The following ACTN4 variants were observed in gnomAD, a reference collection of about 807,000 sequenced individuals.
ACTN4 encodes the protein actinin alpha 4, also known as alpha-actinin-4.
Under a neutral mutation model 114.2 loss-of-function variants are expected in ACTN4, and 18 were observed. The observed-to-expected ratio is 0.16, with a 90% CI of 0.11 to 0.23. ACTN4 has a LOEUF of 0.23. Among genes scored for constraint, ACTN4 ranks in the 10% least tolerant of loss-of-function variants. ACTN4 has a pLI of 1.00. For missense variants in ACTN4, 722 were observed against 1,262.9 expected (o/e 0.57, Z 6.49); for synonymous variants, 515 against 506.3 (o/e 1.02, Z -0.23).
intron 7 of ACTN4, 77 bp from the exon 8 acceptor site, chr19:38,710,180 A>G: frequency 6.6e-7 from 1 of 1,509,732 alleles, no homozygotes; most frequent in South Asian, 1.1e-5. Flanking sequence ...TGGCCTTGGG[A>G]GCCCGTGGAT....
chr19:38,653,383 A>G (rs2050145080), intron 1 of ACTN4, among the ~76,000 whole-genome samples: 1 of 152,068 alleles, frequency 6.6e-6, no homozygotes, highest in Non-Finnish European at 1.5e-5. Context: ...GAATTGTACA[A>G]GCCTTTGACC....
intron 1 of ACTN4, among the ~76,000 whole-genome samples, chr19:38,681,449 C>T (rs1179332545): frequency 2.0e-5 from 3 of 152,176 alleles, no homozygotes; most frequent in Non-Finnish European, 4.4e-5. Flanking sequence ...GCTCTTCAGT[C>T]TCTCCACCTT....
chr19:38,695,677 G>T (rs1036325576), intron 1 of ACTN4, among the ~76,000 whole-genome samples: 1 of 152,142 alleles, frequency 6.6e-6, no homozygotes, highest in African/African-American at 2.4e-5. Flanking sequence ...CTCGGAGTGG[G>T]CTCTGTCCCT....
chr19:38,721,668 C>T lies in ACTN4; in HGVS notation c.1422C>T (p.Ala474=), dbSNP rs149647148. ...AAHQDRVEQI[A]AIAQELNELD... is the part of the protein sequence containing the mutation. ...ACCAGGACCGCGTGGAGCAGATCGC[C>T]GCCATTGCCCAGGAGCTCAAGTACG... Residue 474 remains alanine, a synonymous_variant, in exon 12 of 21, where the codon GCC becomes GCT. Coordinates refer to ENST00000252699, the MANE Select transcript of ACTN4 (RefSeq NM_004924.6). 1.2e-5 allele frequency: 19 copies of T among 1,613,554 alleles called. No homozygotes were observed. The highest frequency in any genetic ancestry group is 5.5e-5 in the South Asian group (5 of 91,088).
intron 1 of ACTN4, among the ~76,000 whole-genome samples, chr19:38,651,726 TTTTTGTTTTG>T (rs535471343): frequency 6.1e-4 from 93 of 152,128 alleles, no homozygotes; most frequent in African/African-American, 2.0e-3. Context: ...GTATTTGTTT[TTTTTGTTTTG>T]TTTTGTTTTG....
intron 1 of ACTN4, among the ~76,000 whole-genome samples, chr19:38,671,340 A>G (rs1967121693): frequency 6.6e-6 from 1 of 152,226 alleles, no homozygotes; most frequent in African/African-American, 2.4e-5. Flanking sequence ...GGGTAGCCCA[A>G]AGCAACACTT....
Position 38,727,607 on chromosome 19 carries a change from A to G in ACTN4, c.2338-339A>G, listed in dbSNP as rs1322199507. ...GATACAGTCCCCTCTGTCCCACTCC[A>G]AATCCCAAAGGCAAGGAGAACCCCC... On this transcript the variant is annotated intron_variant, in intron 18 of 20. Coordinates refer to ENST00000252699, the MANE Select transcript of ACTN4 (RefSeq NM_004924.6). This position sits in a 1 kb window ranked among gnomAD's most constrained non-coding sequence, Gnocchi z 5.4. Among the ~76,000 whole-genome samples, 1 of 150,414 alleles carries G rather than the reference A, an allele frequency of 6.6e-6. No individual in the cohort carries two copies. Among genetic ancestry groups the G allele is most frequent in the African/African-American group, 2.5e-5 (1 of 40,816 alleles).
intron 1 of ACTN4, among the ~76,000 whole-genome samples, chr19:38,688,300 G>A (rs1408030937): frequency 6.8e-6 from 1 of 146,700 alleles, no homozygotes; most frequent in African/African-American, 2.5e-5. Flanking sequence ...TGTAATCCTA[G>A]CACTTTGGGA....
At chr19:38,725,648 G>A (rs1303418185) in intron 16 of ACTN4, 76 bp from the exon 17 acceptor site, 16 of 1,536,246 alleles carry the variant, frequency 1.0e-5, no homozygotes, top group South Asian at 4.6e-5. Context: ...GGCCAGCAGC[G>A]CGAGTGGGCT....
At position 38,723,917 on chromosome 19, in the gene ACTN4, C is replaced by T. The variant is rs979236468; in HGVS notation, c.1552-20C>T. The T allele has an allele frequency of 6.2e-7, 1 of 1,613,002 alleles. No individual in the cohort carries two copies. The highest frequency in any genetic ancestry group is 8.5e-7 in the Non-Finnish European group (1 of 1,179,920). On this transcript the variant is annotated intron_variant, in intron 13 of 20. Coordinates refer to ENST00000252699, the MANE Select transcript of ACTN4 (RefSeq NM_004924.6). Reference sequence around the variant, plus strand: ...ACCTGCCTTCCCTCTGTCCCTGCCCCCTTCCCTCCCACACACTAGAAAACA... The same window carrying T: ...ACCTGCCTTCCCTCTGTCCCTGCCCTCTTCCCTCCCACACACTAGAAAACA...
At chr19:38,688,390 C>CAAAA (rs35793948) in intron 1 of ACTN4, among the ~76,000 whole-genome samples, 2,508 of 79,832 alleles carry the variant, frequency 0.031, 56 homozygotes, top group Admixed American at 0.055. Context: ...TTGTCTCTAC[C>CAAAA]AAAAAAAAAA....
chr19:38,689,327 AC>A (rs1412471401), intron 1 of ACTN4, among the ~76,000 whole-genome samples: 1 of 152,204 alleles, frequency 6.6e-6, no homozygotes, highest in African/African-American at 2.4e-5. Context: ...AAGATCATAT[AC>A]CATATGGTTC....
At chr19:38,659,631 A>T (rs1452603652) in intron 1 of ACTN4, among the ~76,000 whole-genome samples, 1 of 152,198 alleles carries the variant, frequency 6.6e-6, no homozygotes, top group Non-Finnish European at 1.5e-5. Context: ...CTCTTTAATA[A>T]ACAAGCACAA....
chr19:38,663,270 G>A (rs1209149551), intron 1 of ACTN4, among the ~76,000 whole-genome samples: 2 of 152,202 alleles, frequency 1.3e-5, no homozygotes, highest in East Asian at 3.9e-4. Flanking sequence ...GGGCCCCAGA[G>A]TCCAGCACTC....
In ACTN4 at chr19:38,706,390, C is replaced by T. The variant is rs892900081; in HGVS notation, c.572+259C>T. Among the ~76,000 whole-genome samples, 3 of 152,216 alleles carry T rather than the reference C, an allele frequency of 2.0e-5. No homozygotes were observed. The East Asian group carries it at 5.8e-4, about 29-fold the overall frequency. On this transcript the variant is annotated intron_variant, in intron 5 of 20. Coordinates refer to ENST00000252699, the MANE Select transcript of ACTN4 (RefSeq NM_004924.6). ...GGCCTAATAGAACGTTCTTCGTCCC[C>T]AGGCAAGGTGACTCTCAGAAGCAAC...
chr19:38,709,268 G>C, intron 6 of ACTN4, 127 bp from the exon 7 acceptor site: 1 of 771,840 alleles, frequency 1.3e-6, no homozygotes, highest in Non-Finnish European at 2.4e-6. Context: ...ACGTGGCTGA[G>C]AACTGCCTGA....
intron 1 of ACTN4, among the ~76,000 whole-genome samples, chr19:38,666,958 A>G (rs1966980768): frequency 6.6e-6 from 1 of 152,152 alleles, no homozygotes; most frequent in Non-Finnish European, 1.5e-5. Context: ...AGGAGAAAGA[A>G]CTGAGTCTAG....
chr19:38,668,512 C>G (rs1248447052), intron 1 of ACTN4, among the ~76,000 whole-genome samples: 1 of 151,974 alleles, frequency 6.6e-6, no homozygotes, highest in African/African-American at 2.4e-5. Context: ...ATGGTGATAC[C>G]CCGTCTCTAC....
At chr19:38,709,826 C>T in intron 7 of ACTN4, among the ~76,000 whole-genome samples, 1 of 152,200 alleles carries the variant, frequency 6.6e-6, no homozygotes. Flanking sequence ...CAACCCTGGC[C>T]TCTCCCTCCC....
Sources: allele counts gnomAD v4.1 joint callset (sites outside exome capture counted in the v4.1 genomes callset), GRCh38; gene constraint gnomAD v4.1.1; non-coding constraint Gnocchi (gnomAD v3.1); transcripts MANE v1.5; gene names NCBI Gene and HGNC (gene_info 2026-07-23, HGNC 2026-07-21).